DOCK4: variants seen among roughly 807,000 people sequenced by gnomAD.
The protein encoded by DOCK4 is dedicator of cytokinesis protein 4.
A neutral mutation model predicts 268.1 loss-of-function variants in DOCK4; 97 were observed. That is an observed-to-expected ratio of 0.36 (90% CI 0.31 to 0.43). DOCK4 has a LOEUF of 0.43. Ranked by LOEUF, DOCK4 falls within the 20% of genes least tolerant of loss-of-function variation. The probability of loss-of-function intolerance (pLI) is 1.00; values close to 1 mark genes in which losing one functional copy is unlikely to be tolerated. For synonymous variants in DOCK4, 954 were observed against 887.2 expected (o/e 1.08, Z -1.34); for missense variants, 2,145 against 2,455.7 (o/e 0.87, Z 2.67).
At chr7:111,949,024 G>A (rs1795848220) in intron 8 of DOCK4, among the ~76,000 whole-genome samples, 2 of 151,972 alleles carry the variant, frequency 1.3e-5, no homozygotes, top group South Asian at 2.1e-4. Flanking sequence ...AAGGTTTAAG[G>A]ATGATATTTA....
At chr7:112,184,417 G>A (rs1417880115) in intron 1 of DOCK4, among the ~76,000 whole-genome samples, 1 of 152,200 alleles carries the variant, frequency 6.6e-6, no homozygotes, top group Non-Finnish European at 1.5e-5. Flanking sequence ...CAGAGCTGTA[G>A]TCTCCACCCC....
intron 8 of DOCK4, among the ~76,000 whole-genome samples, chr7:111,946,136 C>T (rs1795602074): frequency 6.6e-6 from 1 of 152,164 alleles, no homozygotes; most frequent in Admixed American, 6.5e-5. Flanking sequence ...TAACATGTTT[C>T]ATGTGTCTGT....
chr7:112,159,437 A>C (rs940916252), intron 1 of DOCK4, among the ~76,000 whole-genome samples: 1 of 152,126 alleles, frequency 6.6e-6, no homozygotes, highest in Non-Finnish European at 1.5e-5. Context: ...CTGGTCTGGC[A>C]TAAGTCCTCC....
chr7:111,759,530 G>C (rs1310212223), intron 40 of DOCK4, among the ~76,000 whole-genome samples: 2 of 152,132 alleles, frequency 1.3e-5, no homozygotes. Flanking sequence ...ATAATTGTCA[G>C]TGGAAGTTTT....
chr7:111,778,462 C>A, intron 35 of DOCK4, 93 bp from the exon 36 acceptor site: 2 of 678,702 alleles, frequency 2.9e-6, no homozygotes, highest in Non-Finnish European at 2.4e-6. Flanking sequence ...TGTCTGGAGC[C>A]AAGAGAACGG....
intron 1 of DOCK4, among the ~76,000 whole-genome samples, chr7:112,127,636 T>A (rs1365798345): frequency 3.3e-5 from 5 of 152,082 alleles, no homozygotes; most frequent in Admixed American, 2.6e-4. Flanking sequence ...TTTAATAAAA[T>A]GTTAAATTTT....
intron 1 of DOCK4, among the ~76,000 whole-genome samples, chr7:112,025,480 G>T (rs960194738): frequency 1.3e-5 from 2 of 152,134 alleles, no homozygotes; most frequent in African/African-American, 4.8e-5. Context: ...GACTGGCCAA[G>T]GAGAGGATAG....
chr7:111,855,646 C>A (rs549934984), intron 23 of DOCK4, among the ~76,000 whole-genome samples: 2 of 152,216 alleles, frequency 1.3e-5, no homozygotes, highest in East Asian at 3.9e-4. Context: ...CTAACTGAGG[C>A]TAAGCAGGTG....
At chr7:111,760,383 CA>C (rs1797307797) in intron 39 of DOCK4, 61 bp from the exon 40 acceptor site, 2 of 1,539,724 alleles carry the variant, frequency 1.3e-6, no homozygotes, top group Non-Finnish European at 8.8e-7. Flanking sequence ...CAGACAGAGC[CA>C]AAAAACATGA....
chr7:111,857,042 T>C (rs1202979370), intron 23 of DOCK4, among the ~76,000 whole-genome samples: 1 of 152,178 alleles, frequency 6.6e-6, no homozygotes, highest in Non-Finnish European at 1.5e-5. Context: ...ACAAATGTCA[T>C]TTTTAAGAAT....
chr7:112,032,975 T>A (rs1009172089), intron 1 of DOCK4, among the ~76,000 whole-genome samples: 1 of 152,192 alleles, frequency 6.6e-6, no homozygotes, highest in African/African-American at 2.4e-5. Context: ...CTAACAAATG[T>A]AAATAAAATA....
At chr7:111,810,567 G>A (rs1035222086) in intron 28 of DOCK4, among the ~76,000 whole-genome samples, 1 of 151,992 alleles carries the variant, frequency 6.6e-6, no homozygotes, top group Non-Finnish European at 1.5e-5. Flanking sequence ...GTAAATTAAA[G>A]CAAACAGGAT....
intron 1 of DOCK4, among the ~76,000 whole-genome samples, chr7:112,193,530 T>G (rs910549211): frequency 1.3e-5 from 2 of 149,248 alleles, no homozygotes; most frequent in East Asian, 3.9e-4. Flanking sequence ...GCCTGAGAGA[T>G]CAAGGCTGCA....
At chr7:112,163,389 T>C (rs1347737486) in intron 1 of DOCK4, among the ~76,000 whole-genome samples, 1 of 152,078 alleles carries the variant, frequency 6.6e-6, no homozygotes, top group African/African-American at 2.4e-5. Context: ...CCCTCTTCCC[T>C]GGGCTATAAA....
intron 2 of DOCK4, among the ~76,000 whole-genome samples, chr7:112,000,988 G>T (rs1035588437): frequency 3.9e-5 from 6 of 152,168 alleles, no homozygotes; most frequent in African/African-American, 1.4e-4. Context: ...ACAAACGCCA[G>T]ACTCTGCCAC....
intron 1 of DOCK4, among the ~76,000 whole-genome samples, chr7:112,018,994 C>A (rs1802096249): frequency 6.6e-6 from 1 of 152,114 alleles, no homozygotes; most frequent in Admixed American, 6.5e-5. Context: ...TGTCCATGAA[C>A]TAAATCTGAC....
intron 1 of DOCK4, among the ~76,000 whole-genome samples, chr7:112,160,000 C>T (rs986401457): frequency 1.3e-5 from 2 of 151,972 alleles, no homozygotes; most frequent in African/African-American, 4.8e-5. Context: ...ACATGACACT[C>T]CAATGAGCAT....
intron 1 of DOCK4, among the ~76,000 whole-genome samples, chr7:112,168,703 A>C (rs1421753356): frequency 6.6e-6 from 1 of 152,010 alleles, no homozygotes; most frequent in Non-Finnish European, 1.5e-5. Context: ...ACAGAGTGAG[A>C]CTCTGTCTCA....
At chr7:111,859,562 ATTTTTTTTT>A (rs140285833) in intron 23 of DOCK4, among the ~76,000 whole-genome samples, 40 of 102,186 alleles carry the variant, frequency 3.9e-4, no homozygotes, top group African/African-American at 1.7e-3. Context: ...GTGTGTGTTA[ATTTTTTTTT>A]TTTTTTTTTT....
Sources: allele counts gnomAD v4.1 joint callset (sites outside exome capture counted in the v4.1 genomes callset), GRCh38; gene constraint gnomAD v4.1.1; transcripts MANE v1.5; gene names NCBI Gene and HGNC (gene_info 2026-07-23, HGNC 2026-07-21).